DOCK10: variants seen among roughly 807,000 people sequenced by gnomAD.
The protein encoded by DOCK10 is dedicator of cytokinesis protein 10.
A neutral mutation model predicts 280.1 loss-of-function variants in DOCK10; 145 were observed. The observed-to-expected ratio is 0.52, with a 90% confidence interval of 0.45 to 0.59. The LOEUF (loss-of-function observed/expected upper bound fraction) is 0.59, where lower values mean the gene tolerates loss of function less well. DOCK10 is among the 20% of genes least tolerant of loss of function. DOCK10 has a pLI of 0.00. For missense variants in DOCK10, 2,368 were observed against 2,651.7 expected (o/e 0.89, Z 2.35); for synonymous variants, 915 against 942.2 (o/e 0.97, Z 0.53).
chr2:224,994,878 T>A (rs13422750), intron 1 of DOCK10, among the ~76,000 whole-genome samples: 28,092 of 152,168 alleles, frequency 0.18, 4,031 homozygotes, highest in African/African-American at 0.39. Context: ...AAAAATAAAC[T>A]TTTGTTATCT....
intron 1 of DOCK10, among the ~76,000 whole-genome samples, chr2:224,986,380 CTAA>C (rs1705973827): frequency 6.6e-6 from 1 of 152,046 alleles, no homozygotes; most frequent in Non-Finnish European, 1.5e-5. Context: ...TTTCAGGATC[CTAA>C]TAAGGTCATG....
At chr2:224,960,990 G>A (rs1306977420) in intron 1 of DOCK10, among the ~76,000 whole-genome samples, 2 of 151,622 alleles carry the variant, frequency 1.3e-5, no homozygotes, top group African/African-American at 2.4e-5. Flanking sequence ...CGCCTGTCTC[G>A]GCCTCCCAAA....
At chr2:224,813,027 T>A (rs1303711491) in intron 31 of DOCK10, among the ~76,000 whole-genome samples, 1 of 152,204 alleles carries the variant, frequency 6.6e-6, no homozygotes, top group Non-Finnish European at 1.5e-5. Context: ...GGATTCCCTC[T>A]TTTTCTATTG....
intron 2 of DOCK10, among the ~76,000 whole-genome samples, chr2:224,918,550 G>A (rs939830494): frequency 7.1e-6 from 1 of 141,748 alleles, no homozygotes; most frequent in Admixed American, 7.2e-5. Context: ...GTGTATATGT[G>A]TGAGTGTGTG....
chr2:224,960,254 C>T (rs1395611561), intron 1 of DOCK10, among the ~76,000 whole-genome samples: 2 of 152,152 alleles, frequency 1.3e-5, no homozygotes, highest in Non-Finnish European at 2.9e-5. Flanking sequence ...TTGCTTAGCT[C>T]TTCCTCCAGT....
Position 224,797,812 on chromosome 2 carries a change from T to G in DOCK10, c.4644+20A>C. The G allele has an allele frequency of 6.2e-7, 1 of 1,607,716 alleles. No homozygotes were observed. The highest frequency in any genetic ancestry group is 8.5e-7 in the Non-Finnish European group (1 of 1,176,806). ...TACTGTCATCCTACCTAAACTTCAT[T>G]GAAACCTGGAGATCCTTACCTTGCA... On this transcript the variant is annotated intron_variant, in intron 42 of 55. Coordinates refer to ENST00000258390, the MANE Select transcript of DOCK10 (RefSeq NM_014689.3).
chr2:224,936,857 G>C (rs777271679), intron 1 of DOCK10, among the ~76,000 whole-genome samples: 2 of 152,088 alleles, frequency 1.3e-5, no homozygotes, highest in Non-Finnish European at 2.9e-5. Flanking sequence ...ATATGTTCAT[G>C]GAAACACTGG....
chr2:224,983,835 G>C (rs1457010144), intron 1 of DOCK10: 1 of 471,064 alleles, frequency 2.1e-6, no homozygotes, highest in Non-Finnish European at 4.4e-6. Context: ...GAAAAAAAAT[G>C]CTAATGATGC....
At chr2:224,782,695 A>G (rs1230611642) in intron 50 of DOCK10, among the ~76,000 whole-genome samples, 2 of 152,212 alleles carry the variant, frequency 1.3e-5, no homozygotes, top group Non-Finnish European at 2.9e-5. Context: ...TTAGTATTAA[A>G]TACCCCAGCC....
At chr2:224,918,403 A>G (rs1244920977) in intron 2 of DOCK10, among the ~76,000 whole-genome samples, 1 of 148,348 alleles carries the variant, frequency 6.7e-6, no homozygotes, top group Non-Finnish European at 1.5e-5. Flanking sequence ...GTGTGTGTGC[A>G]TGAGAGTGTG....
At chr2:224,993,482 GAAGT>G (rs1706186420) in intron 1 of DOCK10, among the ~76,000 whole-genome samples, 1 of 152,154 alleles carries the variant, frequency 6.6e-6, no homozygotes, top group African/African-American at 2.4e-5. Context: ...AGCAGCTCAC[GAAGT>G]GAGTCAACTG....
intron 1 of DOCK10, among the ~76,000 whole-genome samples, chr2:225,035,552 A>AATATATATATATATATAT (rs1690209795): frequency 1.4e-4 from 3 of 20,868 alleles, no homozygotes; most frequent in Non-Finnish European, 2.9e-4. Context: ...TTATATATAT[A>AATATATATATATATATAT]TATATATATA....
chr2:224,807,080 AG>A (rs1374906112), intron 33 of DOCK10, among the ~76,000 whole-genome samples: 2 of 152,080 alleles, frequency 1.3e-5, no homozygotes, highest in Non-Finnish European at 2.9e-5. Flanking sequence ...TCACCCAGAT[AG>A]TCACTGATAC....
chr2:225,040,493 T>C (rs1690388695), intron 1 of DOCK10, among the ~76,000 whole-genome samples: 1 of 147,344 alleles, frequency 6.8e-6, no homozygotes, highest in African/African-American at 2.5e-5. Flanking sequence ...AAATCTGACA[T>C]AATTTTGGAG....
chr2:224,908,638 A>G (rs1700821570), intron 3 of DOCK10, among the ~76,000 whole-genome samples: 1 of 152,186 alleles, frequency 6.6e-6, no homozygotes, highest in Admixed American at 6.5e-5. Context: ...TTGGGACTGC[A>G]GGTGCACACC....
At chr2:224,877,813 CT>C (rs1698735196) in intron 7 of DOCK10, among the ~76,000 whole-genome samples, 1 of 152,176 alleles carries the variant, frequency 6.6e-6, no homozygotes, top group African/African-American at 2.4e-5. Context: ...AAAGTGGAAA[CT>C]TTCCCCTAGT....
At chr2:224,904,292 GTGAA>G (rs34558299) in intron 3 of DOCK10, among the ~76,000 whole-genome samples, 16,627 of 151,968 alleles carry the variant, frequency 0.11, 2,332 homozygotes, top group African/African-American at 0.34. Flanking sequence ...ACCTTCATTA[GTGAA>G]TGAAGAGCCT....
Position 224,808,050 on chromosome 2 carries a change from C to A in DOCK10, c.3446G>T (p.Arg1149Leu), listed in dbSNP as rs76554935. The A allele has an allele frequency of 5.0e-6, 8 of 1,612,112 alleles. No individual in the cohort carries two copies. The highest frequency in any genetic ancestry group is 3.3e-5 in the South Asian group (3 of 90,782). Residue 1149 changes from arginine to leucine, a missense_variant, in exon 32 of 56, where the codon CGC (arginine) becomes CTC (leucine). Around this residue, in one of 2 missense-constraint regions of DOCK10, gnomAD observed 1,159 missense variants for 1,400.8 expected, o/e 0.83. Coordinates refer to ENST00000258390, the MANE Select transcript of DOCK10 (RefSeq NM_014689.3). ...PEYSVTNEFC[R>L]KHFLIGILLR... Reference sequence around the variant, plus strand: ...CAGAATTCCGATTAAGAAGTGTTTGCGACAAAATTCATTTGTGACTGAATA... The same window carrying A: ...CAGAATTCCGATTAAGAAGTGTTTGAGACAAAATTCATTTGTGACTGAATA...
chr2:224,991,166 C>G lies in DOCK10; in HGVS notation c.123+51086G>C, dbSNP rs145313625. On this transcript the variant is annotated intron_variant, in intron 1 of 55. Coordinates refer to ENST00000258390, the MANE Select transcript of DOCK10 (RefSeq NM_014689.3). ...TGGGTCCAGCTATAAAGCCAGCCCACCAAAGACTCAGCCATCTGATGGAGC... is the reference window on the plus strand; with the variant it reads ...TGGGTCCAGCTATAAAGCCAGCCCAGCAAAGACTCAGCCATCTGATGGAGC... Among the ~76,000 whole-genome samples the G allele has an allele frequency of 3.0e-4, 45 of 152,198 alleles. No homozygotes were observed. In the South Asian group the frequency reaches 4.1e-3, roughly 14 times the overall value.
Sources: allele counts gnomAD v4.1 joint callset (sites outside exome capture counted in the v4.1 genomes callset), GRCh38; gene constraint gnomAD v4.1.1; regional missense constraint gnomAD v4.1.1; transcripts MANE v1.5; gene names NCBI Gene and HGNC (gene_info 2026-07-23, HGNC 2026-07-21).